The following KIF11 variants were observed in gnomAD, a reference collection of about 807,000 sequenced individuals.
KIF11 encodes the protein kinesin-like protein KIF11.
A neutral mutation model predicts 121.0 loss-of-function variants in KIF11; 9 were observed. The ratio of observed to expected loss-of-function variants is 0.07; its 90% confidence interval spans 0.04 to 0.13. The LOEUF is 0.13. KIF11 is among the 10% of genes least tolerant of loss of function. The pLI is 1.00. For missense variants in KIF11, 846 were observed against 1,217.5 expected (o/e 0.69, Z 4.54); for synonymous variants, 408 against 421.0 (o/e 0.97, Z 0.38).
chr10:92,610,639 G>C (rs1364517219), intron 6 of KIF11, among the ~76,000 whole-genome samples: 3 of 151,720 alleles, frequency 2.0e-5, no homozygotes, highest in Non-Finnish European at 4.4e-5. Context: ...GGTTAATTCA[G>C]TATGTGACTT....
intron 17 of KIF11, among the ~76,000 whole-genome samples, chr10:92,644,420 A>G (rs988306966): frequency 6.6e-6 from 1 of 152,014 alleles, no homozygotes; most frequent in Non-Finnish European, 1.5e-5. Flanking sequence ...GGGTCAACCA[A>G]TTCTCCTGCC....
intron 14 of KIF11, among the ~76,000 whole-genome samples, chr10:92,636,616 C>CA (rs952252305): frequency 6.7e-6 from 1 of 148,532 alleles, no homozygotes; most frequent in African/African-American, 2.5e-5. Context: ...AACTATATCT[C>CA]AAAAAAAGAA....
intron 6 of KIF11, among the ~76,000 whole-genome samples, chr10:92,611,136 T>G (rs1844490722): frequency 6.6e-6 from 1 of 152,152 alleles, no homozygotes; most frequent in Admixed American, 6.6e-5. Flanking sequence ...ACTTCAATGC[T>G]TATTTGTATT....
intron 1 of KIF11, among the ~76,000 whole-genome samples, chr10:92,596,148 C>T (rs1396288490): frequency 2.0e-5 from 3 of 152,142 alleles, no homozygotes; most frequent in South Asian, 4.1e-4. Flanking sequence ...GGACTACAGG[C>T]GCCTGCCATC....
At chr10:92,605,352 A>AT (rs1484706589) in intron 1 of KIF11, among the ~76,000 whole-genome samples, 3 of 152,200 alleles carry the variant, frequency 2.0e-5, no homozygotes, top group Non-Finnish European at 2.9e-5. Context: ...GGCACATAGT[A>AT]AGTACTCAAC....
At chr10:92,594,506 T>A (rs902983233) in intron 1 of KIF11, among the ~76,000 whole-genome samples, 1 of 152,246 alleles carries the variant, frequency 6.6e-6, no homozygotes, top group Non-Finnish European at 1.5e-5. Context: ...ATATAACAAG[T>A]GCAAATTTTA....
At chr10:92,632,813 A>G (rs753489086) in intron 13 of KIF11, 120 bp downstream of exon 13, 9 of 532,758 alleles carry the variant, frequency 1.7e-5, no homozygotes, top group South Asian at 1.3e-4. Flanking sequence ...TGCACAAACT[A>G]TTTGTTCAGG....
intron 21 of KIF11, among the ~76,000 whole-genome samples, chr10:92,651,040 TC>T (rs1844973741): frequency 6.8e-6 from 1 of 147,148 alleles, no homozygotes; most frequent in South Asian, 2.1e-4. Context: ...TCCTACCCAC[TC>T]TTCTTTTTTT....
intron 16 of KIF11, among the ~76,000 whole-genome samples, chr10:92,639,168 T>C (rs933620136): frequency 6.6e-6 from 1 of 152,220 alleles, no homozygotes; most frequent in Non-Finnish European, 1.5e-5. Context: ...AAAGCAACTA[T>C]ATATATCTGT....
intron 3 of KIF11, 78 bp downstream of exon 3, chr10:92,606,794 T>G (rs1035375621): frequency 2.4e-6 from 2 of 845,506 alleles, no homozygotes; most frequent in African/African-American, 3.4e-5. Flanking sequence ...GTTTGTTTTT[T>G]GAGACGGAGT....
intron 1 of KIF11, chr10:92,597,086 C>T (rs145429276): frequency 6.7e-5 from 24 of 360,064 alleles, no homozygotes; most frequent in Middle Eastern, 1.1e-3. Flanking sequence ...ATTCACACTC[C>T]TGCATCTTTA....
intron 17 of KIF11, among the ~76,000 whole-genome samples, chr10:92,641,718 A>T (rs1844867641): frequency 1.3e-5 from 2 of 152,158 alleles, no homozygotes; most frequent in South Asian, 4.1e-4. Context: ...TCATCTATTA[A>T]TTCTTTGAAT....
Position 92,645,373 on chromosome 10 carries a change from G to T in KIF11, c.2278G>T (p.Asp760Tyr). 1 of 1,608,314 alleles carries T rather than the reference G, an allele frequency of 6.2e-7. No homozygotes were observed. Among genetic ancestry groups the T allele is most frequent in the South Asian group, 1.1e-5 (1 of 90,544 alleles). ...TCTCTTTTCCTATAGGAAATCTAAG[G>T]ATATAGTCAACAAAATGACTTTTCA... is the stretch of plus-strand genomic sequence containing the variant. Reference protein sequence around the residue: ...VQENIQQKSKDIVNKMTFHSQ... With the variant: ...VQENIQQKSKYIVNKMTFHSQ... The change falls in exon 18 of 22, where the codon GAT becomes TAT. Residue 760 changes from aspartate to tyrosine, a missense_variant. Transcript: ENST00000260731.
intron 1 of KIF11, among the ~76,000 whole-genome samples, chr10:92,601,776 G>C (rs183744302): frequency 6.6e-6 from 1 of 151,222 alleles, no homozygotes; most frequent in Non-Finnish European, 1.5e-5. Flanking sequence ...TCCTGGCTTC[G>C]GGTGATCCTC....
At chr10:92,627,555 G>A (rs1252347548) in intron 10 of KIF11, among the ~76,000 whole-genome samples, 2 of 152,016 alleles carry the variant, frequency 1.3e-5, no homozygotes, top group African/African-American at 4.8e-5. Flanking sequence ...CATTATTAAT[G>A]TTATTAAAGT....
chr10:92,614,139 C>T (rs548349468), intron 8 of KIF11, among the ~76,000 whole-genome samples: 32 of 151,484 alleles, frequency 2.1e-4, no homozygotes, highest in Non-Finnish European at 4.1e-4. Flanking sequence ...TCTTGTCCCC[C>T]AGACTGGAGT....
rs1412852547 is a variant in KIF11 at position 92,655,011 on chromosome 10, G to A, written c.*1215G>A. ...TGCTTGTTTGTATATAATACAATGT[G>A]TACATGTATCTTTTTCTCGATTCAA... On this transcript the variant is annotated 3_prime_UTR_variant, in exon 22 of 22. Transcript: ENST00000260731. 6.6e-6 allele frequency: 1 copy of A among 152,610 alleles called. No individual in the cohort carries two copies. Among genetic ancestry groups the A allele is most frequent in the African/African-American group, 2.4e-5 (1 of 41,446 alleles). 9.5% of individuals were successfully genotyped at this position (152,610 alleles called of 1,614,324 possible).
At chr10:92,648,461 T>A in intron 19 of KIF11, 27 bp downstream of exon 19, 1 of 1,453,136 alleles carries the variant, frequency 6.9e-7, no homozygotes, top group Non-Finnish European at 9.4e-7. Flanking sequence ...ATAGAATTGT[T>A]AAATTTTTTG....
At chr10:92,635,795 T>C (rs567187121) in intron 14 of KIF11, among the ~76,000 whole-genome samples, 2 of 152,344 alleles carry the variant, frequency 1.3e-5, no homozygotes, top group Admixed American at 1.3e-4. Context: ...TAAAATAAGC[T>C]ATGCCTGAAT....
Sources: allele counts gnomAD v4.1 joint callset (sites outside exome capture counted in the v4.1 genomes callset), GRCh38; gene constraint gnomAD v4.1.1; transcripts MANE v1.5; gene names NCBI Gene and HGNC (gene_info 2026-07-23, HGNC 2026-07-21).